TRIM2: variants seen among roughly 807,000 people sequenced by gnomAD.
TRIM2 encodes tripartite motif containing 2.
Under a neutral mutation model 75.2 loss-of-function variants are expected in TRIM2, and 20 were observed. The observed-to-expected ratio is 0.27, with a 90% CI of 0.19 to 0.39. TRIM2 has a LOEUF of 0.39. TRIM2 is among the 10% of genes least tolerant of loss of function. The pLI is 1.00. For synonymous variants in TRIM2, 373 were observed against 388.3 expected (o/e 0.96, Z 0.46); for missense variants, 660 against 990.8 (o/e 0.67, Z 4.48).
At chr4:153,227,680 G>A (rs1742511485) in intron 1 of TRIM2, among the ~76,000 whole-genome samples, 1 of 152,172 alleles carries the variant, frequency 6.6e-6, no homozygotes, top group Non-Finnish European at 1.5e-5. Flanking sequence ...ACAATGGAGG[G>A]TGCACGTCTC....
intron 1 of TRIM2, among the ~76,000 whole-genome samples, chr4:153,228,031 A>C (rs1338984651): frequency 6.6e-6 from 1 of 152,244 alleles, no homozygotes; most frequent in Non-Finnish European, 1.5e-5. Flanking sequence ...AGATTATAAA[A>C]GTGAACCTCT....
rs566434139 is a variant in TRIM2 at position 153,293,144 on chromosome 4, C to T, written c.605+11C>T. On this transcript the variant is annotated intron_variant, in intron 4 of 11. Coordinates refer to ENST00000338700, the MANE Select transcript of TRIM2 (RefSeq NM_015271.5). ...TGCTGTCAACAAAAGGTGGGGGACCCCTCCCCAAACCCCCAACTGGCTGCC... is the reference window on the plus strand; with the variant it reads ...TGCTGTCAACAAAAGGTGGGGGACCTCTCCCCAAACCCCCAACTGGCTGCC... The T allele has an allele frequency of 1.9e-6, 3 of 1,595,602 alleles. No individual in the cohort carries two copies. The highest frequency in any genetic ancestry group is 1.7e-5 in the Admixed American group (1 of 59,494).
At chr4:153,242,890 G>A (rs1167633757) in intron 1 of TRIM2, among the ~76,000 whole-genome samples, 2 of 152,232 alleles carry the variant, frequency 1.3e-5, no homozygotes, top group African/African-American at 2.4e-5. Flanking sequence ...CTATACAATG[G>A]TGATCAAACT....
At chr4:153,284,953 A>T (rs141072084) in intron 3 of TRIM2, among the ~76,000 whole-genome samples, 183 of 152,198 alleles carry the variant, frequency 1.2e-3, no homozygotes, top group African/African-American at 4.4e-3. Flanking sequence ...AATGAAGCCT[A>T]ATTTCTCTAT....
intron 1 of TRIM2, among the ~76,000 whole-genome samples, chr4:153,225,050 A>C (rs1412489255): frequency 6.6e-6 from 1 of 152,190 alleles, no homozygotes; most frequent in Non-Finnish European, 1.5e-5. Flanking sequence ...CCTAGTGCTG[A>C]TTGGTAAGAA....
intron 1 of TRIM2, among the ~76,000 whole-genome samples, chr4:153,177,926 C>T (rs188188274): frequency 6.1e-4 from 93 of 152,084 alleles, no homozygotes; most frequent in Non-Finnish European, 1.1e-3. Flanking sequence ...CTCAGCCTAA[C>T]GAGTAGGTGG....
chr4:153,259,386 T>A (rs1449761117), intron 1 of TRIM2, among the ~76,000 whole-genome samples: 2 of 152,180 alleles, frequency 1.3e-5, no homozygotes, highest in African/African-American at 2.4e-5. Context: ...AGGGCTTTCT[T>A]TTATCTCTTT....
chr4:153,213,403 G>A (rs1402543700), intron 1 of TRIM2, among the ~76,000 whole-genome samples: 1 of 152,110 alleles, frequency 6.6e-6, no homozygotes, highest in Non-Finnish European at 1.5e-5. Flanking sequence ...GAATGTTTTT[G>A]CAATAATAGC....
At chr4:153,224,021 G>T (rs972013990) in intron 1 of TRIM2, among the ~76,000 whole-genome samples, 2 of 152,120 alleles carry the variant, frequency 1.3e-5, no homozygotes, top group Admixed American at 6.5e-5. Flanking sequence ...AACTTGTATT[G>T]AGGGTTCCTT....
chr4:153,244,420 CTTCT>C (rs1748392397), intron 1 of TRIM2, among the ~76,000 whole-genome samples: 1 of 94,704 alleles, frequency 1.1e-5, no homozygotes, highest in Non-Finnish European at 2.2e-5. Flanking sequence ...TCTTCTTCTT[CTTCT>C]TCTTCTTCTT....
rs1000688666 is a variant in TRIM2 at position 153,335,207 on chromosome 4, T to C, written c.*241T>C. The C allele has an allele frequency of 2.2e-4, 269 of 1,197,462 alleles. 1 individual carries two copies. The highest frequency in any genetic ancestry group is 8.4e-5 in the Admixed American group (2 of 23,876). The allele number at this position is 1,197,462 out of a possible 1,614,324, so 74.2% of individuals were successfully genotyped here. ...TATAAAAACTGCAGTTTTACATCTG[T>C]GAACTATGGCTTAAGGGACAGGATT... On this transcript the variant is annotated 3_prime_UTR_variant, in exon 12 of 12. Coordinates refer to ENST00000338700, the MANE Select transcript of TRIM2 (RefSeq NM_015271.5).
chr4:153,301,132 A>C (rs1295641933), intron 6 of TRIM2, among the ~76,000 whole-genome samples: 1 of 151,898 alleles, frequency 6.6e-6, no homozygotes, highest in Non-Finnish European at 1.5e-5. Context: ...CAGAGGCTGC[A>C]GTGAGCCAAG....
chr4:153,288,314 G>C (rs1024192879), intron 3 of TRIM2, among the ~76,000 whole-genome samples: 4 of 152,066 alleles, frequency 2.6e-5, no homozygotes, highest in African/African-American at 9.7e-5. Context: ...GCGCGCACCT[G>C]TAATCCCAGC....
At chr4:153,217,689 TGGCTATGTTTAGA>T (rs144412799) in intron 1 of TRIM2, among the ~76,000 whole-genome samples, 20,909 of 152,066 alleles carry the variant, frequency 0.14, 1,503 homozygotes, top group South Asian at 0.2. Flanking sequence ...ATGAAGCAGT[TGGCTATGTTTAGA>T]GGCTATGTTG....
chr4:153,182,007 G>A (rs575584064), intron 1 of TRIM2, among the ~76,000 whole-genome samples: 2 of 152,272 alleles, frequency 1.3e-5, no homozygotes, highest in East Asian at 3.9e-4. Context: ...CCTCAACTCT[G>A]ATGCTTTCTT....
chr4:153,328,640 T>A lies in TRIM2; in HGVS notation c.2133T>A (p.Ile711=). ...GVAVDSNGNI[I]VADWGNSRIQ... Reference sequence around the variant, plus strand: ...CAGTGGATTCAAATGGAAACATCATTGTGGCCGACTGGGGAAACAGCAGGA... The same window carrying A: ...CAGTGGATTCAAATGGAAACATCATAGTGGCCGACTGGGGAAACAGCAGGA... Residue 711 remains isoleucine (I), a synonymous_variant, in exon 11 of 12, where the codon ATT becomes ATA. Coordinates refer to ENST00000338700, the MANE Select transcript of TRIM2 (RefSeq NM_015271.5). 1 of 1,612,418 alleles carries A rather than the reference T, an allele frequency of 6.2e-7. No individual in the cohort carries two copies. The highest frequency in any genetic ancestry group is 8.5e-7 in the Non-Finnish European group (1 of 1,179,314).
At chr4:153,208,705 G>A (rs951495992) in intron 1 of TRIM2, among the ~76,000 whole-genome samples, 1 of 152,156 alleles carries the variant, frequency 6.6e-6, no homozygotes, top group Admixed American at 6.5e-5. Context: ...GGGCTATGAT[G>A]AGAATGGAAA....
chr4:153,281,944 T>A (rs1240940908), intron 3 of TRIM2, among the ~76,000 whole-genome samples: 1 of 152,246 alleles, frequency 6.6e-6, no homozygotes, highest in East Asian at 1.9e-4. Flanking sequence ...AAGACTGCCC[T>A]GCCACTAACA....
chr4:153,261,995 G>A (rs1753696869), intron 1 of TRIM2, among the ~76,000 whole-genome samples: 1 of 152,150 alleles, frequency 6.6e-6, no homozygotes, highest in Non-Finnish European at 1.5e-5. Context: ...TTATGCCCAA[G>A]GATTTTGTTA....
Sources: allele counts gnomAD v4.1 joint callset (sites outside exome capture counted in the v4.1 genomes callset), GRCh38; gene constraint gnomAD v4.1.1; transcripts MANE v1.5; gene names NCBI Gene and HGNC (gene_info 2026-07-23, HGNC 2026-07-21).